Variants in ALMS1 observed in about 807,000 individuals in gnomAD.
The protein encoded by ALMS1 is ALMS1 centrosome and basal body associated protein, also known as centrosome-associated protein ALMS1.
Under a neutral mutation model 352.2 loss-of-function variants are expected in ALMS1, and 271 were observed. The observed-to-expected ratio is 0.77, with a 90% confidence interval of 0.70 to 0.85. The LOEUF (loss-of-function observed/expected upper bound fraction) is 0.85, where lower values mean the gene tolerates loss of function less well. ALMS1 is among the 40% of genes least tolerant of loss of function. ALMS1 has a pLI of 0.00. For missense variants in ALMS1, 5,445 were observed against 4,870.7 expected, an observed-to-expected ratio of 1.12 and a Z score of -3.51; for synonymous variants, 1,865 against 1,761.2, an observed-to-expected ratio of 1.06 and a Z score of -1.48.
Position 73,513,878 on chromosome 2 carries a change from C to A in ALMS1, c.9540-5897C>A, listed in dbSNP as rs141197342. On this transcript the variant is annotated intron_variant, in intron 10 of 22. Coordinates refer to ENST00000613296, the MANE Select transcript of ALMS1 (RefSeq NM_001378454.1). ...CTTCTTTACATGGGCACCTTCCTTA[C>A]CCTAATGAGATTCTGATACCTTGCT... Among the ~76,000 whole-genome samples the A allele has an allele frequency of 1.7e-3, 264 of 152,260 alleles. 3 individuals are homozygous for A. Among genetic ancestry groups the A allele is most frequent in the African/African-American group, 6.1e-3 (252 of 41,548 alleles).
intron 17 of ALMS1, among the ~76,000 whole-genome samples, chr2:73,600,209 G>T (rs753256743): frequency 7.2e-5 from 11 of 152,184 alleles, no homozygotes; most frequent in Non-Finnish European, 1.3e-4. Flanking sequence ...AATAAATGGA[G>T]ACCAGAAGTG....
intron 10 of ALMS1, among the ~76,000 whole-genome samples, chr2:73,516,055 A>G (rs966416071): frequency 7.2e-5 from 11 of 152,104 alleles, no homozygotes; most frequent in Non-Finnish European, 1.6e-4. Context: ...GCATCCAACA[A>G]AGGTCTAATA....
At chr2:73,527,415 T>C (rs566806534) in intron 11 of ALMS1, among the ~76,000 whole-genome samples, 1 of 152,248 alleles carries the variant, frequency 6.6e-6, no homozygotes, top group Non-Finnish European at 1.5e-5. Flanking sequence ...TTTTCTTTGC[T>C]GGGAGACTTT....
intron 12 of ALMS1, among the ~76,000 whole-genome samples, chr2:73,544,082 C>A (rs1674257832): frequency 6.6e-6 from 1 of 152,106 alleles, no homozygotes; most frequent in South Asian, 2.1e-4. Flanking sequence ...TTTATTGCGG[C>A]ACTATTCACA....
At chr2:73,485,986 T>G (rs576645350) in intron 9 of ALMS1, among the ~76,000 whole-genome samples, 9 of 152,108 alleles carry the variant, frequency 5.9e-5, no homozygotes, top group African/African-American at 1.9e-4. Flanking sequence ...CACTCCCTAG[T>G]TAGATGAACC....
chr2:73,554,582 G>A (rs908284165), intron 13 of ALMS1, among the ~76,000 whole-genome samples: 3 of 151,782 alleles, frequency 2.0e-5, no homozygotes, highest in African/African-American at 4.8e-5. Flanking sequence ...GCGTGGTGGC[G>A]GGCGCCTGTA....
At chr2:73,485,227 T>C (rs970190744) in intron 9 of ALMS1, among the ~76,000 whole-genome samples, 3 of 152,250 alleles carry the variant, frequency 2.0e-5, no homozygotes, top group African/African-American at 4.8e-5. Flanking sequence ...TGGTCTTTGA[T>C]GATGGTGATG....
In ALMS1 at chr2:73,386,007, G is replaced by A; in HGVS notation, c.139G>A (p.Glu47Lys). The part of the protein sequence containing the change: ...VDDVVVVEEV[E>K]EEAGRELDSD... The stretch of plus-strand genomic sequence containing the variant: ...CGACGTAGTGGTCGTGGAGGAGGTG[G>A]AGGAAGAGGCGGGGCGGGAGTTGGA... Residue 47 changes from glutamate (E) to lysine (K), a missense_variant, in exon 1 of 23, where the codon GAG (glutamate) becomes AAG (lysine). Glu to Lys is a moderately conservative substitution (Grantham distance 56). Transcript: ENST00000613296. 1 of 1,561,070 alleles carries A rather than the reference G, an allele frequency of 6.4e-7. No homozygotes were observed. The highest frequency in any genetic ancestry group is 1.2e-5 in the South Asian group (1 of 84,424).
chr2:73,461,040 G>A (rs1672187439), intron 9 of ALMS1, among the ~76,000 whole-genome samples: 1 of 152,252 alleles, frequency 6.6e-6, no homozygotes, highest in African/African-American at 2.4e-5. Flanking sequence ...AAAGGCAGCA[G>A]TAACCTCTGT....
chr2:73,478,556 G>A (rs1165189292), intron 9 of ALMS1, among the ~76,000 whole-genome samples: 1 of 151,970 alleles, frequency 6.6e-6, no homozygotes, highest in African/African-American at 2.4e-5. Context: ...GCAATAAGAA[G>A]CCACAGAATA....
At chr2:73,499,067 A>G (rs1260568110) in intron 10 of ALMS1, among the ~76,000 whole-genome samples, 1 of 152,188 alleles carries the variant, frequency 6.6e-6, no homozygotes, top group Non-Finnish European at 1.5e-5. Context: ...AAGCAATAGT[A>G]TACAAGGGTT....
intron 10 of ALMS1, among the ~76,000 whole-genome samples, chr2:73,494,388 C>T (rs574218838): frequency 8.6e-5 from 13 of 152,020 alleles, no homozygotes; most frequent in African/African-American, 2.4e-4. Context: ...AACATCTTAC[C>T]GTAACATCAT....
chr2:73,430,907 A>G (rs1389393703), intron 6 of ALMS1, among the ~76,000 whole-genome samples: 1 of 151,898 alleles, frequency 6.6e-6, no homozygotes, highest in Non-Finnish European at 1.5e-5. Context: ...ATATTTATAT[A>G]TATTTATGTG....
rs200470452 is a variant in ALMS1 at position 73,453,720 on chromosome 2, C to T, written c.7193C>T (p.Thr2398Ile). 5.0e-6 allele frequency: 8 copies of T among 1,613,978 alleles called. No individual in the cohort carries two copies. The East Asian group carries it at 1.8e-4, about 36-fold the overall frequency. Residue 2398 changes from threonine (T) to isoleucine (I), a missense_variant, in exon 8 of 23, where the codon ACC (threonine) becomes ATC (isoleucine). Physicochemically the swap from Thr to Ile is moderately conservative, Grantham distance 89. Coordinates refer to ENST00000613296, the MANE Select transcript of ALMS1 (RefSeq NM_001378454.1). ...MRSEPEGCSG[T>I]IGNKIIIPMM... ...TCTGAACCTGAAGGGTGTAGTGGAA[C>T]CATTGGGAATAAAATTATTATCCCT...
Position 73,489,659 on chromosome 2 carries a change from G to T in ALMS1, c.7700G>T (p.Gly2567Val), listed in dbSNP as rs199831059. Residue 2567 changes from glycine (G) to valine (V), a missense_variant, in exon 10 of 23, where the codon GGA (glycine) becomes GTA (valine). Physicochemically the swap from Gly to Val is moderately radical, Grantham distance 109. Coordinates refer to ENST00000613296, the MANE Select transcript of ALMS1 (RefSeq NM_001378454.1). ...GGTTTACAGAGTCCACGGGGAATGG[G>T]ATGCAAGCCAGAAGCTGTATGTAGT... ...SKGLQSPRGM[G>V]CKPEAVCSHI... is the part of the protein sequence containing the mutation. 1.1e-5 allele frequency: 18 copies of T among 1,614,128 alleles called. No homozygotes were observed. In the East Asian group the frequency reaches 3.8e-4, roughly 34 times the overall value.
intron 10 of ALMS1, among the ~76,000 whole-genome samples, chr2:73,513,007 T>G (rs1335214520): frequency 6.6e-6 from 1 of 152,232 alleles, no homozygotes; most frequent in African/African-American, 2.4e-5. Flanking sequence ...TTCATCTCAT[T>G]TTTTACTTTT....
At chr2:73,552,375 G>A (rs1391280898) in intron 13 of ALMS1, among the ~76,000 whole-genome samples, 7 of 152,172 alleles carry the variant, frequency 4.6e-5, no homozygotes, top group Non-Finnish European at 8.8e-5. Flanking sequence ...CAGGGAATCC[G>A]TTACGTGTTT....
At chr2:73,407,682 T>C (rs1670998202) in intron 1 of ALMS1, among the ~76,000 whole-genome samples, 1 of 152,106 alleles carries the variant, frequency 6.6e-6, no homozygotes, top group African/African-American at 2.4e-5. Flanking sequence ...TGTGAATGTT[T>C]TAATTTTCCC....
At chr2:73,427,397 A>C (rs546443521) in intron 6 of ALMS1, among the ~76,000 whole-genome samples, 3 of 152,066 alleles carry the variant, frequency 2.0e-5, no homozygotes, top group Non-Finnish European at 4.4e-5. Context: ...ATGTATATAC[A>C]TGTCTCTTCC....
Sources: gnomAD v4.1 joint callset for allele counts (sites outside exome capture counted in the v4.1 genomes callset) on GRCh38, gnomAD v4.1.1 for gene constraint, MANE v1.5 for transcripts, NCBI Gene and HGNC (gene_info 2026-07-23, HGNC 2026-07-21) for gene names.